ROBO2: variants seen among roughly 807,000 people sequenced by gnomAD.
The protein encoded by ROBO2 is roundabout guidance receptor 2, also known as roundabout homolog 2.
A neutral mutation model predicts 160.8 loss-of-function variants in ROBO2; 53 were observed. The ratio of observed to expected loss-of-function variants is 0.33; its 90% CI spans 0.26 to 0.41. ROBO2 has a LOEUF of 0.41. Among genes scored for constraint, ROBO2 ranks in the 10% least tolerant of loss-of-function variants. ROBO2 has a pLI of 1.00. For synonymous variants in ROBO2, 664 were observed against 611.7 expected, an observed-to-expected ratio of 1.09 and a Z score of -1.26; for missense variants, 1,577 against 1,722.4, an observed-to-expected ratio of 0.92 and a Z score of 1.49.
intron 2 of ROBO2, among the ~76,000 whole-genome samples, chr3:77,112,018 C>T (rs948708584): frequency 6.6e-6 from 1 of 151,674 alleles, no homozygotes; most frequent in African/African-American, 2.4e-5. Context: ...TCAAGACCAG[C>T]CTGGGCAGCA....
At chr3:76,380,861 T>G (rs1239833510) in intron 2 of ROBO2, among the ~76,000 whole-genome samples, 1 of 152,102 alleles carries the variant, frequency 6.6e-6, no homozygotes, top group African/African-American at 2.4e-5. Flanking sequence ...TATCATTGTT[T>G]GGAATAAGTA....
intron 2 of ROBO2, among the ~76,000 whole-genome samples, chr3:76,465,747 G>A (rs2078325578): frequency 6.6e-6 from 1 of 151,948 alleles, no homozygotes; most frequent in African/African-American, 2.4e-5. Context: ...CACAGGAGAA[G>A]TGTCCATTGT....
chr3:77,477,830 CTTT>C (rs11371687), intron 3 of ROBO2, among the ~76,000 whole-genome samples: 3 of 84,466 alleles, frequency 3.6e-5, no homozygotes, highest in East Asian at 8.0e-4. Context: ...TATTTTAGCT[CTTT>C]TTTTTTTTTT....
chr3:76,806,070 T>C (rs949467808), intron 2 of ROBO2, among the ~76,000 whole-genome samples: 2 of 151,974 alleles, frequency 1.3e-5, no homozygotes, highest in Non-Finnish European at 2.9e-5. Context: ...TTGAAGTTTC[T>C]TTTGAAATTC....
At chr3:77,290,087 G>T (rs1217458751) in intron 2 of ROBO2, among the ~76,000 whole-genome samples, 2 of 150,242 alleles carry the variant, frequency 1.3e-5, no homozygotes, top group African/African-American at 2.4e-5. Flanking sequence ...TAAAATTGAC[G>T]GTTAAACGGA....
chr3:77,526,532 T>A (rs2091177262), intron 6 of ROBO2, among the ~76,000 whole-genome samples: 2 of 151,574 alleles, frequency 1.3e-5, no homozygotes. Flanking sequence ...ACAATATTTG[T>A]CTATTGCTTT....
chr3:76,920,731 C>T (rs565167551), intron 2 of ROBO2, among the ~76,000 whole-genome samples: 12 of 152,212 alleles, frequency 7.9e-5, no homozygotes, highest in Non-Finnish European at 1.8e-4. Context: ...ATATGTTCAA[C>T]ATCAGTGTCA....
chr3:77,586,505 G>A (rs2153682035), intron 16 of ROBO2, among the ~76,000 whole-genome samples: 1 of 151,852 alleles, frequency 6.6e-6, no homozygotes, highest in African/African-American at 2.4e-5. Context: ...ATATTTTTTT[G>A]TCTGCAAGAA....
chr3:77,623,687 C>A (rs970641167), intron 23 of ROBO2, among the ~76,000 whole-genome samples: 5 of 152,158 alleles, frequency 3.3e-5, no homozygotes, highest in African/African-American at 9.7e-5. Context: ...TCTTCAAATG[C>A]AGAGAGCTGA....
At chr3:76,213,445 AT>A (rs1703280821) in intron 2 of ROBO2, among the ~76,000 whole-genome samples, 1 of 152,168 alleles carries the variant, frequency 6.6e-6, no homozygotes, top group South Asian at 2.1e-4. Flanking sequence ...CTTAGTGTTT[AT>A]TTCTGATCCT....
At chr3:76,513,080 C>CT (rs1215992605) in intron 2 of ROBO2, among the ~76,000 whole-genome samples, 2 of 152,166 alleles carry the variant, frequency 1.3e-5, no homozygotes, top group Non-Finnish European at 2.9e-5. Flanking sequence ...AGTCATGGTA[C>CT]TACTACCTTA....
At chr3:76,743,317 A>G (rs1375963) in intron 2 of ROBO2, among the ~76,000 whole-genome samples, 99,463 of 151,828 alleles carry the variant, frequency 0.66, 32,799 homozygotes, top group African/African-American at 0.74. Flanking sequence ...AGAGAAAATA[A>G]TGGAATAAAA....
At chr3:77,575,216 T>C (rs1230397582) in intron 14 of ROBO2, among the ~76,000 whole-genome samples, 4 of 152,112 alleles carry the variant, frequency 2.6e-5, no homozygotes, top group Non-Finnish European at 4.4e-5. Context: ...CTTAGTGAAG[T>C]TCCCTCGTTC....
chr3:76,926,042 C>A (rs1349281901), intron 2 of ROBO2, among the ~76,000 whole-genome samples: 1 of 152,172 alleles, frequency 6.6e-6, no homozygotes, highest in Non-Finnish European at 1.5e-5. Flanking sequence ...ATTTCTGTCT[C>A]AGTCTAATAT....
intron 2 of ROBO2, among the ~76,000 whole-genome samples, chr3:76,752,254 C>A (rs897466699): frequency 2.7e-5 from 4 of 147,524 alleles, no homozygotes; most frequent in African/African-American, 5.0e-5. Context: ...CACTTGGACA[C>A]AAGGTGGGGA....
At chr3:76,982,365 T>C (rs1177131088) in intron 2 of ROBO2, among the ~76,000 whole-genome samples, 1 of 152,224 alleles carries the variant, frequency 6.6e-6, no homozygotes, top group Admixed American at 6.5e-5. Flanking sequence ...TGCACCATTG[T>C]TGAAAATCAA....
chr3:76,750,748 G>A (rs576397208), intron 2 of ROBO2, among the ~76,000 whole-genome samples: 4 of 152,128 alleles, frequency 2.6e-5, no homozygotes, highest in Non-Finnish European at 5.9e-5. Context: ...GGGATGTGAA[G>A]GACCTCTTCA....
At chr3:77,047,769 C>T (rs914863135) in intron 1 of ROBO2, among the ~76,000 whole-genome samples, 12 of 150,160 alleles carry the variant, frequency 8.0e-5, no homozygotes, top group Admixed American at 4.0e-4. Context: ...ATGGGCTGGG[C>T]GCGGTGGCTC....
At chr3:76,365,619 T>C (rs1362220971) in intron 2 of ROBO2, among the ~76,000 whole-genome samples, 1 of 152,050 alleles carries the variant, frequency 6.6e-6, no homozygotes, top group Admixed American at 6.6e-5. Context: ...AATTCCCTAT[T>C]GAGAAATGCT....
Sources: gnomAD v4.1 joint callset for allele counts (sites outside exome capture counted in the v4.1 genomes callset) on GRCh38, gnomAD v4.1.1 for gene constraint, MANE v1.5 for transcripts, NCBI Gene and HGNC (gene_info 2026-07-23, HGNC 2026-07-21) for gene names.